The following VWF variants were observed in gnomAD, a reference collection of about 807,000 sequenced individuals.
VWF encodes the protein Factor VIII related antigen.
VWF carries 176 observed loss-of-function variants against 308.6 expected under a neutral mutation model. That is an observed-to-expected ratio of 0.57 (90% CI 0.50 to 0.65). VWF has a LOEUF of 0.65. VWF is among the 30% of genes least tolerant of loss of function. VWF has a pLI of 0.00. For missense variants in VWF, 3,146 were observed against 3,648.2 expected (o/e 0.86, Z 3.55); for synonymous variants, 1,385 against 1,443.4 (o/e 0.96, Z 0.92).
intron 47 of VWF, among the ~76,000 whole-genome samples, chr12:5,964,258 A>ATG (rs1943367073): frequency 6.8e-6 from 1 of 146,090 alleles, no homozygotes; most frequent in African/African-American, 2.8e-5. Flanking sequence ...ATGCATACAT[A>ATG]CATACATACA....
At chr12:6,081,636 C>T (rs1462810183) in intron 6 of VWF, among the ~76,000 whole-genome samples, 1 of 152,174 alleles carries the variant, frequency 6.6e-6, no homozygotes, top group Non-Finnish European at 1.5e-5. Context: ...CGGCACCTGG[C>T]CTAAGTCAGT....
intron 15 of VWF, among the ~76,000 whole-genome samples, chr12:6,053,961 G>T (rs944814636): frequency 1.2e-4 from 19 of 152,216 alleles, no homozygotes; most frequent in African/African-American, 4.3e-4. Context: ...GACAGGGAAG[G>T]TGTGGGGAGC....
At chr12:6,115,068 G>A (rs1015824835) in intron 3 of VWF, among the ~76,000 whole-genome samples, 1 of 152,166 alleles carries the variant, frequency 6.6e-6, no homozygotes, top group Non-Finnish European at 1.5e-5. Context: ...TTGAGGTCTT[G>A]CTCTATCGCT....
chr12:6,072,755 G>C (rs1325064617), intron 8 of VWF, among the ~76,000 whole-genome samples: 2 of 152,188 alleles, frequency 1.3e-5, no homozygotes, highest in Non-Finnish European at 2.9e-5. Context: ...AATGCAACGT[G>C]AGAGGGAGAA....
intron 34 of VWF, among the ~76,000 whole-genome samples, chr12:6,001,340 A>G (rs1943871531): frequency 6.6e-6 from 1 of 152,190 alleles, no homozygotes; most frequent in South Asian, 2.1e-4. Flanking sequence ...ACTAAAACAA[A>G]AAGGTTTTCA....
intron 45 of VWF, among the ~76,000 whole-genome samples, chr12:5,968,378 G>T (rs1036518617): frequency 1.3e-5 from 2 of 152,152 alleles, no homozygotes; most frequent in Non-Finnish European, 2.9e-5. Context: ...ACAATGAGAA[G>T]AGCCCCGTAC....
intron 16 of VWF, among the ~76,000 whole-genome samples, chr12:6,050,326 C>T (rs565341242): frequency 6.6e-6 from 1 of 152,192 alleles, no homozygotes; most frequent in African/African-American, 2.4e-5. Flanking sequence ...CTACTGCTAT[C>T]GCTTGATCCA....
At chr12:5,952,278 G>A in intron 49 of VWF, 113 bp downstream of exon 49, 1 of 1,432,970 alleles carries the variant, frequency 7.0e-7, no homozygotes, top group Non-Finnish European at 9.8e-7. Context: ...AACTAGGCCA[G>A]AGATGTGCCT....
At chr12:6,032,587 G>A (rs904581342) in intron 20 of VWF, among the ~76,000 whole-genome samples, 6 of 151,246 alleles carry the variant, frequency 4.0e-5, no homozygotes, top group African/African-American at 1.5e-4. Context: ...GCAGTGAGCC[G>A]AGATCGCACC....
In VWF at chr12:6,065,193, G is replaced by C; in HGVS notation, c.1237C>G (p.Leu413Val). Residue 413 changes from leucine to valine, a missense_variant, in exon 11 of 52, where the codon CTG becomes GTG. By Grantham distance (32) the Leu-to-Val change is conservative. Transcript: ENST00000261405. Reference protein sequence around the residue: ...YFTFSGICQYLLARDCQDHSF... With the variant: ...YFTFSGICQYVLARDCQDHSF... ...TGGTCCTGGCAATCCCGGGCCAGCA[G>C]GTACTGGCAGATCCCACTGAAGGTG... The C allele has an allele frequency of 6.2e-7, 1 of 1,614,188 alleles. No individual in the cohort carries two copies. The highest frequency in any genetic ancestry group is 8.5e-7 in the Non-Finnish European group (1 of 1,180,036).
At chr12:6,029,545 A>G in intron 21 of VWF, 57 bp from the exon 22 acceptor site, 1 of 1,605,672 alleles carries the variant, frequency 6.2e-7, no homozygotes, top group Non-Finnish European at 8.5e-7. Context: ...CGACAGCCAG[A>G]TCCTCCCTCC....
chr12:6,061,353 T>C lies in VWF; in HGVS notation c.1533+1601A>G, dbSNP rs1490271550. The stretch of plus-strand genomic sequence containing the variant: ...AACGACCATGAGGCCTAGGGCAAGT[T>C]ACTCCTGCTCCAGAAATAATGGCTC... On this transcript the variant is annotated intron_variant, in intron 13 of 51. Transcript: ENST00000261405. Among the ~76,000 whole-genome samples the C allele has an allele frequency of 3.9e-5, 6 of 152,002 alleles. No individual in the cohort carries two copies. The East Asian group carries it at 9.6e-4, about 24-fold the overall frequency.
chr12:6,087,646 G>A (rs1335482658), intron 6 of VWF, among the ~76,000 whole-genome samples: 2 of 151,782 alleles, frequency 1.3e-5, no homozygotes, highest in Non-Finnish European at 2.9e-5. Flanking sequence ...ATTACAGGCT[G>A]AGCCCCCGCG....
rs529755568 is a variant in VWF at position 5,967,182 on chromosome 12, T to C, written c.7887+304A>G. On this transcript the variant is annotated intron_variant, in intron 47 of 51. Transcript: ENST00000261405. ...ATATTTTCAAAGAACGGTGGTGCTG[T>C]TTCTTAAAATACATAAAGGGATACA... Among the ~76,000 whole-genome samples the C allele has an allele frequency of 9.8e-4, 149 of 152,322 alleles. 1 individual carries two copies. The highest frequency in any genetic ancestry group is 3.4e-3 in the African/African-American group (143 of 41,578).
chr12:6,041,454 A>AT (rs1434091518), intron 18 of VWF, among the ~76,000 whole-genome samples: 6 of 151,616 alleles, frequency 4.0e-5, no homozygotes, highest in African/African-American at 1.2e-4. Context: ...AAAAAAAAGA[A>AT]ATTTTTTTTT....
intron 40 of VWF, 22 bp from the exon 41 acceptor site, chr12:5,983,276 G>A (rs55867239): frequency 0.14 from 229,844 of 1,610,034 alleles, 18,011 homozygotes; most frequent in African/African-American, 0.2. Context: ...AAAGAGAGAC[G>A]TCCATGCAGA....
intron 34 of VWF, among the ~76,000 whole-genome samples, chr12:6,003,268 C>T (rs1199077733): frequency 1.3e-5 from 2 of 152,086 alleles, no homozygotes; most frequent in Non-Finnish European, 2.9e-5. Flanking sequence ...AATTTATATA[C>T]GTCTATGTTT....
Position 6,063,605 on chromosome 12 carries a change from A to G in VWF, c.1433-551T>C, listed in dbSNP as rs1420364629. Reference sequence around the variant, plus strand: ...GGACGTGCTGGGTACCCACTAGCCCAAGTTCATCCGCTGTGTGCAATGCTA... The same window carrying G: ...GGACGTGCTGGGTACCCACTAGCCCGAGTTCATCCGCTGTGTGCAATGCTA... On this transcript the variant is annotated intron_variant, in intron 12 of 51. Transcript: ENST00000261405. The surrounding 1 kb of genome is among the most constrained non-coding windows in gnomAD (Gnocchi z 4.9). 6.6e-6 allele frequency among the ~76,000 whole-genome samples: 1 copy of G among 152,166 alleles called. No homozygotes were observed. The highest frequency in any genetic ancestry group is 6.5e-5 in the Admixed American group (1 of 15,280).
intron 34 of VWF, among the ~76,000 whole-genome samples, chr12:6,002,389 G>A (rs1943880736): frequency 6.6e-6 from 1 of 151,604 alleles, no homozygotes; most frequent in Non-Finnish European, 1.5e-5. Flanking sequence ...AATGACAAAA[G>A]AAAATCGCTA....
Sources: gnomAD v4.1 joint callset for allele counts (sites outside exome capture counted in the v4.1 genomes callset) on GRCh38, gnomAD v4.1.1 for gene constraint, Gnocchi (gnomAD v3.1) non-coding constraint, MANE v1.5 for transcripts, NCBI Gene and HGNC (gene_info 2026-07-23, HGNC 2026-07-21) for gene names.